SYT1: variants seen among roughly 807,000 people sequenced by gnomAD.
The protein encoded by SYT1 is synaptotagmin 1.
In SYT1, 8 loss-of-function variants were observed where a neutral mutation model predicts 44.8. That is an observed-to-expected ratio of 0.18 (90% CI 0.10 to 0.32). The LOEUF is 0.32. Among genes scored for constraint, SYT1 ranks in the 10% least tolerant of loss-of-function variants. The pLI, the probability that SYT1 is intolerant of heterozygous loss-of-function variation, is 1.00. For missense variants in SYT1, 286 were observed against 509.3 expected (o/e 0.56, Z 4.22); for synonymous variants, 154 against 188.8 (o/e 0.82, Z 1.51).
chr12:78,987,049 C>T (rs1262292396), intron 2 of SYT1, among the ~76,000 whole-genome samples: 3 of 151,928 alleles, frequency 2.0e-5, no homozygotes, highest in Non-Finnish European at 2.9e-5. Flanking sequence ...TGAATATTGT[C>T]GTTCACTATG....
chr12:78,897,676 C>T lies in SYT1; in HGVS notation c.-217+32567C>T, dbSNP rs118065563. ...TTAAGTGCTACAGGCAGAGCCTATG[C>T]TAGGGCTTTACATCTACCATTTCAA... On this transcript the variant is annotated intron_variant, in intron 1 of 10. Transcript: ENST00000261205. 7.1e-3 allele frequency among the ~76,000 whole-genome samples: 1,084 copies of T among 152,136 alleles called. 4 individuals are homozygous for T. The highest frequency in any genetic ancestry group is 0.011 in the Non-Finnish European group (718 of 67,982).
At chr12:79,033,402 A>G (rs368991079) in intron 2 of SYT1, among the ~76,000 whole-genome samples, 18 of 151,472 alleles carry the variant, frequency 1.2e-4, no homozygotes, top group East Asian at 7.8e-4. Flanking sequence ...TCTCTCAAAT[A>G]TAATTACATT....
intron 8 of SYT1, among the ~76,000 whole-genome samples, chr12:79,303,634 G>A (rs1394127129): frequency 6.6e-6 from 1 of 151,884 alleles, no homozygotes; most frequent in Non-Finnish European, 1.5e-5. Context: ...CAAGCAGAAG[G>A]GAAGAGAAAC....
intron 3 of SYT1, among the ~76,000 whole-genome samples, chr12:79,124,524 C>A (rs11837572): frequency 0.11 from 17,137 of 151,894 alleles, 1,034 homozygotes; most frequent in African/African-American, 0.13. Context: ...CAGGGTATTA[C>A]TCTCACCATC....
chr12:79,013,944 G>A (rs1428948293), intron 2 of SYT1, among the ~76,000 whole-genome samples: 6 of 151,902 alleles, frequency 3.9e-5, no homozygotes. Context: ...TGGCCAACAT[G>A]GTGAAACCCC....
At chr12:79,289,202 G>A (rs753977089) in intron 5 of SYT1, among the ~76,000 whole-genome samples, 2 of 152,154 alleles carry the variant, frequency 1.3e-5, no homozygotes, top group African/African-American at 2.4e-5. Context: ...CCATATGCAT[G>A]CGCACTTAAT....
intron 8 of SYT1, among the ~76,000 whole-genome samples, chr12:79,333,237 G>A (rs757531123): frequency 6.6e-6 from 1 of 152,190 alleles, no homozygotes; most frequent in Non-Finnish European, 1.5e-5. Flanking sequence ...CAAATTTAGT[G>A]TCTGATGAAG....
At chr12:79,103,941 T>A (rs191346030) in intron 3 of SYT1, among the ~76,000 whole-genome samples, 3 of 152,148 alleles carry the variant, frequency 2.0e-5, no homozygotes, top group Non-Finnish European at 2.9e-5. Context: ...TCCACATGCA[T>A]ACTGTAAGAA....
At chr12:78,943,304 T>C (rs1878482594) in intron 1 of SYT1, among the ~76,000 whole-genome samples, 5 of 152,256 alleles carry the variant, frequency 3.3e-5, no homozygotes, top group Middle Eastern at 6.8e-3. Context: ...GCAGGCTTTA[T>C]AAGAAGCATG....
chr12:79,256,461 T>G (rs1409135225), intron 4 of SYT1, among the ~76,000 whole-genome samples: 2 of 152,222 alleles, frequency 1.3e-5, no homozygotes, highest in Non-Finnish European at 2.9e-5. Context: ...ATTTAAATTA[T>G]CAAACCATTA....
At chr12:79,169,311 C>A (rs1373252981) in intron 3 of SYT1, among the ~76,000 whole-genome samples, 1 of 151,810 alleles carries the variant, frequency 6.6e-6, no homozygotes, top group East Asian at 1.9e-4. Flanking sequence ...CTACTATTCA[C>A]TGGAAAACTC....
chr12:79,408,503 A>G (rs1868314535), intron 9 of SYT1, among the ~76,000 whole-genome samples: 1 of 152,158 alleles, frequency 6.6e-6, no homozygotes. Flanking sequence ...TCATTTAGCG[A>G]GGTGATTCAG....
chr12:79,030,338 C>G (rs1200407649), intron 2 of SYT1, among the ~76,000 whole-genome samples: 1 of 150,844 alleles, frequency 6.6e-6, no homozygotes, highest in Non-Finnish European at 1.5e-5. Context: ...CCCATACTTA[C>G]CTTATTCTCC....
At chr12:79,074,452 ACAACTAGTCTCTAGAAGC>A (rs1217265779) in intron 3 of SYT1, among the ~76,000 whole-genome samples, 3 of 152,104 alleles carry the variant, frequency 2.0e-5, no homozygotes, top group African/African-American at 7.2e-5. Flanking sequence ...GTAGCTTCCC[ACAACTAGTCTCTAGAAGC>A]CTGGAACTCC....
intron 1 of SYT1, among the ~76,000 whole-genome samples, chr12:78,894,273 A>T (rs1407374028): frequency 8.0e-6 from 1 of 124,776 alleles, no homozygotes; most frequent in Admixed American, 8.4e-5. Flanking sequence ...CTTCGATTGT[A>T]TCCATTTTCA....
At chr12:79,341,196 A>G (rs1178744756) in intron 8 of SYT1, 1 of 152,210 alleles carries the variant, frequency 6.6e-6, no homozygotes, top group African/African-American at 2.4e-5. Flanking sequence ...ATACTTCTGA[A>G]AACACTGTTT....
chr12:78,946,648 C>T (rs1239257608), intron 1 of SYT1, among the ~76,000 whole-genome samples: 1 of 151,594 alleles, frequency 6.6e-6, no homozygotes, highest in Non-Finnish European at 1.5e-5. Flanking sequence ...GATCGTGCCA[C>T]TGCACTTCAG....
At chr12:79,196,968 T>G (rs1334570997) in intron 3 of SYT1, among the ~76,000 whole-genome samples, 1 of 152,236 alleles carries the variant, frequency 6.6e-6, no homozygotes, top group Non-Finnish European at 1.5e-5. Flanking sequence ...AATTACAGTT[T>G]GGCAGCAATT....
chr12:78,961,639 A>G (rs1289945819), intron 1 of SYT1, among the ~76,000 whole-genome samples: 1 of 152,114 alleles, frequency 6.6e-6, no homozygotes, highest in Admixed American at 6.5e-5. Flanking sequence ...GAAGGTAGTT[A>G]TAGAATACAT....
Sources: gnomAD v4.1 joint callset for allele counts (sites outside exome capture counted in the v4.1 genomes callset) on GRCh38, gnomAD v4.1.1 for gene constraint, MANE v1.5 for transcripts, NCBI Gene and HGNC (gene_info 2026-07-23, HGNC 2026-07-21) for gene names.